The following DISP1 variants were observed in gnomAD, a reference collection of about 807,000 sequenced individuals.
DISP1 encodes dispatched RND transporter family member 1, also known as protein dispatched homolog 1.
A neutral mutation model predicts 37.3 loss-of-function variants in DISP1; 30 were observed. The ratio of observed to expected loss-of-function variants is 0.80; its 90% CI spans 0.60 to 1.09. The LOEUF (loss-of-function observed/expected upper bound fraction) is 1.09, where lower values mean the gene tolerates loss of function less well. DISP1 is among the 50% of genes least tolerant of loss of function. The pLI is 0.00. For missense variants in DISP1, 1,598 were observed against 1,879.5 expected, an observed-to-expected ratio of 0.85 and a Z score of 2.77; for synonymous variants, 634 against 690.2, an observed-to-expected ratio of 0.92 and a Z score of 1.28.
chr1:222,961,751 T>C (rs1351361822), intron 3 of DISP1, among the ~76,000 whole-genome samples: 1 of 152,216 alleles, frequency 6.6e-6, no homozygotes, highest in Non-Finnish European at 1.5e-5. Flanking sequence ...CTCACGCCTG[T>C]AATCCCAACA....
In DISP1 at chr1:223,002,467, A is replaced by G. The variant is rs756004316; in HGVS notation, c.1070A>G (p.Tyr357Cys). Residue 357 changes from tyrosine to cysteine, a missense_variant, in exon 9 of 9, where the codon TAC becomes TGC. Physicochemically the swap from Tyr to Cys is radical, Grantham distance 194 (BLOSUM62 -2). Transcript: ENST00000675850. Reference sequence around the variant, plus strand: ...TGCCCCAGCTGGACACTGGGAAACTACATCGCCATTCTGAACAATAGATCG... The same window carrying G: ...TGCCCCAGCTGGACACTGGGAAACTGCATCGCCATTCTGAACAATAGATCG... ...SCCPSWTLGN[Y>C]IAILNNRSSC... 6 of 1,614,178 alleles carry G rather than the reference A, an allele frequency of 3.7e-6. No individual in the cohort carries two copies. Among genetic ancestry groups the G allele is most frequent in the Non-Finnish European group, 5.1e-6 (6 of 1,180,032 alleles).
rs767221546 is a variant in DISP1, at chr1:223,005,781, G to C, written c.4384G>C (p.Val1462Leu). 12 of 1,614,218 alleles carry C rather than the reference G, an allele frequency of 7.4e-6. No individual in the cohort carries two copies. Among genetic ancestry groups the C allele is most frequent in the South Asian group, 6.6e-5 (6 of 91,086 alleles). Residue 1462 changes from valine to leucine, a missense_variant, in exon 9 of 9, where the codon GTC becomes CTC. Transcript: ENST00000675850. ...SEHFNQNEPKVLFNHLMGEAG... is the reference protein window; with the variant it reads ...SEHFNQNEPKLLFNHLMGEAG... Reference sequence around the variant, plus strand: ...ACATTTCAATCAGAATGAACCAAAAGTCCTATTTAATCATTTAATGGGGGA... The same window carrying C: ...ACATTTCAATCAGAATGAACCAAAACTCCTATTTAATCATTTAATGGGGGA...
In DISP1 at chr1:222,815,045, G is replaced by C. The variant is rs1414736967; in HGVS notation, c.-192G>C. On this transcript the variant is annotated 5_prime_UTR_variant, in exon 1 of 9. Coordinates refer to ENST00000675850, the MANE Select transcript of DISP1 (RefSeq NM_001377229.1). ...GCGGACCGCGCCAGGCGGAAGCCCG[G>C]CTCCGGGCCAGCATCCGAGAGCCCG... 1 of 152,260 alleles carries C rather than the reference G, an allele frequency of 6.6e-6. No individual in the cohort carries two copies. Among genetic ancestry groups the C allele is most frequent in the East Asian group, 1.9e-4 (1 of 5,170 alleles). 9.4% of individuals were successfully genotyped at this position (152,260 alleles called of 1,614,324 possible).
intron 3 of DISP1, among the ~76,000 whole-genome samples, chr1:222,954,097 A>T (rs1675427922): frequency 6.6e-6 from 1 of 151,886 alleles, no homozygotes; most frequent in Non-Finnish European, 1.5e-5. Context: ...TAAAAAAAAA[A>T]TTCAAAAGGT....
intron 1 of DISP1, among the ~76,000 whole-genome samples, chr1:222,850,088 G>A (rs1038460925): frequency 6.6e-6 from 1 of 152,128 alleles, no homozygotes; most frequent in Non-Finnish European, 1.5e-5. Flanking sequence ...AAATGTATAA[G>A]ATAAGCCCCA....
chr1:222,855,564 A>C (rs1001108016), intron 1 of DISP1, among the ~76,000 whole-genome samples: 6 of 152,172 alleles, frequency 3.9e-5, no homozygotes, highest in Non-Finnish European at 5.9e-5. Flanking sequence ...CTATGCCACC[A>C]TACTTCTTAA....
At chr1:222,878,691 C>T (rs981887852) in intron 1 of DISP1, among the ~76,000 whole-genome samples, 30 of 152,036 alleles carry the variant, frequency 2.0e-4, no homozygotes, top group East Asian at 1.9e-4. Context: ...GAAAGATAGG[C>T]AATAACAATC....
At chr1:222,885,597 G>A (rs1004230563) in intron 1 of DISP1, among the ~76,000 whole-genome samples, 1 of 151,392 alleles carries the variant, frequency 6.6e-6, no homozygotes, top group African/African-American at 2.4e-5. Flanking sequence ...GCCTCCCCAA[G>A]TGTTGTGGTA....
At chr1:222,908,071 C>T (rs1156305208) in intron 1 of DISP1, among the ~76,000 whole-genome samples, 3 of 152,054 alleles carry the variant, frequency 2.0e-5, no homozygotes, top group Non-Finnish European at 4.4e-5. Flanking sequence ...GGTGGAGAAC[C>T]GTTAGGCTTT....
rs756647421 is a variant in DISP1, at chr1:223,005,065, A to G, written c.3668A>G (p.Gln1223Arg). The change falls in exon 9 of 9, where the codon CAA (glutamine) becomes CGA (arginine). Residue 1223 changes from glutamine (Q) to arginine (R), a missense_variant. Physicochemically the swap from Gln to Arg is conservative, Grantham distance 43. Transcript: ENST00000675850. ...ATCTGCTCTGAATTTTTCAACAGCC[A>G]AGCAAAGAATTTAGGGATGCCTGTG... ...THICSEFFNS[Q>R]AKNLGMPVHA... The G allele has an allele frequency of 1.4e-5, 23 of 1,614,056 alleles. No homozygotes were observed. In the East Asian group the frequency reaches 2.7e-4, roughly 19 times the overall value.
At chr1:222,998,817 G>A (rs1310949532) in intron 8 of DISP1, among the ~76,000 whole-genome samples, 2 of 152,096 alleles carry the variant, frequency 1.3e-5, no homozygotes, top group South Asian at 2.1e-4. Flanking sequence ...GGTGACTTTT[G>A]TAGACAGCTA....
At chr1:222,841,831 G>A (rs1572311651) in intron 1 of DISP1, among the ~76,000 whole-genome samples, 2 of 152,270 alleles carry the variant, frequency 1.3e-5, no homozygotes, top group South Asian at 4.1e-4. Context: ...GAATATGTAT[G>A]TGTGACTGTT....
chr1:222,936,246 G>T (rs577704692), intron 2 of DISP1, among the ~76,000 whole-genome samples: 28 of 152,208 alleles, frequency 1.8e-4, no homozygotes, highest in African/African-American at 5.1e-4. Context: ...TAAGTACACT[G>T]TGATGACCAC....
At position 222,936,915 on chromosome 1, in the gene DISP1, T is replaced by TG. The variant is rs1572555349; in HGVS notation, c.-17-5892_-17-5891insG. On this transcript the variant is annotated intron_variant, in intron 2 of 8. Coordinates refer to ENST00000675850, the MANE Select transcript of DISP1 (RefSeq NM_001377229.1). Reference sequence around the variant, plus strand: ...TATATTATTTATATATAATATATTATATATTATATAATATGTAATATATAT... The same window carrying TG: ...TATATTATTTATATATAATATATTATGATATTATATAATATGTAATATATAT... 1.0e-4 allele frequency among the ~76,000 whole-genome samples: 8 copies of TG among 78,490 alleles called. No individual in the cohort carries two copies. The East Asian group carries it at 1.7e-3, about 17-fold the overall frequency. The allele number at this position is 78,490 out of a possible 152,430, so 51.5% of individuals were successfully genotyped here.
At chr1:222,949,784 G>A (rs1471833838) in intron 3 of DISP1, among the ~76,000 whole-genome samples, 3 of 151,976 alleles carry the variant, frequency 2.0e-5, no homozygotes, top group African/African-American at 2.4e-5. Flanking sequence ...ACACCACCAC[G>A]CCCAGCTAAT....
intron 1 of DISP1, among the ~76,000 whole-genome samples, chr1:222,902,335 G>A (rs936482133): frequency 6.6e-5 from 10 of 152,094 alleles, no homozygotes; most frequent in African/African-American, 1.2e-4. Context: ...TGAATGTGTC[G>A]CAGAGATTCT....
intron 1 of DISP1, among the ~76,000 whole-genome samples, chr1:222,907,779 G>A (rs779443389): frequency 3.9e-5 from 6 of 151,974 alleles, no homozygotes; most frequent in African/African-American, 7.3e-5. Context: ...GTGAAACCCC[G>A]TCTCTACTAA....
intron 2 of DISP1, among the ~76,000 whole-genome samples, chr1:222,935,517 T>C (rs1007005324): frequency 3.9e-5 from 6 of 151,960 alleles, no homozygotes; most frequent in African/African-American, 1.5e-4. Flanking sequence ...CAAAATGGAG[T>C]GGTAATGCCT....
chr1:222,906,168 T>G (rs1283501549), intron 1 of DISP1, among the ~76,000 whole-genome samples: 1 of 152,202 alleles, frequency 6.6e-6, no homozygotes, highest in Non-Finnish European at 1.5e-5. Flanking sequence ...GTATTCAACA[T>G]ATAAATAGTG....
Sources: gnomAD v4.1 joint callset for allele counts (sites outside exome capture counted in the v4.1 genomes callset) on GRCh38, gnomAD v4.1.1 for gene constraint, MANE v1.5 for transcripts, NCBI Gene and HGNC (gene_info 2026-07-23, HGNC 2026-07-21) for gene names.